The following ALG14 variants were observed in gnomAD, a reference collection of about 807,000 sequenced individuals.
The protein encoded by ALG14 is UDP-N-acetylglucosamine transferase subunit ALG14.
A neutral mutation model predicts 22.8 loss-of-function variants in ALG14; 17 were observed. The observed-to-expected ratio is 0.75, with a 90% CI of 0.51 to 1.12. The LOEUF (loss-of-function observed/expected upper bound fraction) is 1.12. Among genes scored for constraint, ALG14 ranks in the 50% most tolerant of loss-of-function variants. The pLI is 0.00. For synonymous variants in ALG14, 89 were observed against 103.7 expected, an observed-to-expected ratio of 0.86 and a Z score of 0.86; for missense variants, 288 against 271.8, an observed-to-expected ratio of 1.06 and a Z score of -0.42.
chr1:95,032,497 C>A (rs1033703354), intron 2 of ALG14, among the ~76,000 whole-genome samples: 3 of 152,134 alleles, frequency 2.0e-5, no homozygotes, highest in African/African-American at 4.8e-5. Context: ...GAATCAAAGA[C>A]AAATGTCCCC....
At chr1:95,052,811 C>T (rs181225676) in intron 2 of ALG14, among the ~76,000 whole-genome samples, 10 of 148,738 alleles carry the variant, frequency 6.7e-5, no homozygotes, top group Admixed American at 4.0e-4. Flanking sequence ...GAGACAAGAT[C>T]GCACCACTGC....
intron 3 of ALG14, among the ~76,000 whole-genome samples, chr1:95,021,915 A>T (rs1571615430): frequency 6.6e-6 from 1 of 152,180 alleles, no homozygotes; most frequent in African/African-American, 2.4e-5. Context: ...CCTCACAGCT[A>T]TCCTTGGGAA....
intron 2 of ALG14, among the ~76,000 whole-genome samples, chr1:95,051,485 T>G (rs543788815): frequency 1.6e-4 from 25 of 152,188 alleles, no homozygotes; most frequent in Non-Finnish European, 3.4e-4. Context: ...CCCTTCAGTT[T>G]AGTCAGCGAC....
chr1:95,062,079 T>C (rs927721227), intron 2 of ALG14: 17 of 152,302 alleles, frequency 1.1e-4, no homozygotes, highest in African/African-American at 7.2e-5. Flanking sequence ...CAAGTATGAT[T>C]TGGAGAAGAA....
chr1:94,998,259 C>T (rs1672958594), intron 3 of ALG14, among the ~76,000 whole-genome samples: 2 of 152,162 alleles, frequency 1.3e-5, no homozygotes, highest in South Asian at 2.1e-4. Context: ...GCCATGTAGC[C>T]TTCTATGCCA....
At position 94,975,437 on chromosome 1, in the gene ALG14, A is replaced by G. The variant is rs1181032966; in HGVS notation, c.*7639T>C. On this transcript the variant is annotated 3_prime_UTR_variant, in exon 4 of 4. Coordinates refer to ENST00000370205, the MANE Select transcript of ALG14 (RefSeq NM_144988.4). The stretch of plus-strand genomic sequence containing the variant: ...TGTTTCTACTTTCGGGTTATTATGA[A>G]TAACGCTGCTGCGAACATATAAGTT... 1.3e-5 allele frequency: 2 copies of G among 152,214 alleles called. No individual in the cohort carries two copies. Among genetic ancestry groups the G allele is most frequent in the African/African-American group, 4.8e-5 (2 of 41,440 alleles). The allele number at this position is 152,214 out of a possible 1,614,324, so 9.4% of individuals were successfully genotyped here. A position where few individuals can be genotyped will look rare whatever the true frequency, so the allele number is the denominator to read the frequency against.
intron 2 of ALG14, among the ~76,000 whole-genome samples, chr1:95,060,941 A>G (rs1358850390): frequency 6.6e-6 from 1 of 152,212 alleles, no homozygotes; most frequent in African/African-American, 2.4e-5. Flanking sequence ...CTTCTGAATT[A>G]GAGTGGGCCC....
chr1:95,029,593 A>G (rs1022874916), intron 2 of ALG14, among the ~76,000 whole-genome samples: 4 of 152,224 alleles, frequency 2.6e-5, no homozygotes, highest in African/African-American at 7.2e-5. Context: ...TTGAGAAACA[A>G]TATGTTCCTT....
At chr1:95,022,437 C>T (rs1425451023) in intron 3 of ALG14, 13 of 836,616 alleles carry the variant, frequency 1.6e-5, no homozygotes, top group South Asian at 1.1e-4. Context: ...AACCACTTCT[C>T]GCAGTGGACT....
At chr1:95,046,420 C>A (rs1674558209) in intron 2 of ALG14, among the ~76,000 whole-genome samples, 1 of 152,186 alleles carries the variant, frequency 6.6e-6, no homozygotes, top group Non-Finnish European at 1.5e-5. Flanking sequence ...CTAGGCTGTG[C>A]ACTCCTTAAG....
chr1:95,070,388 G>C (rs1032611246), intron 1 of ALG14, among the ~76,000 whole-genome samples: 39 of 152,274 alleles, frequency 2.6e-4, no homozygotes, highest in Non-Finnish European at 2.6e-4. Flanking sequence ...TGCCTCATCA[G>C]TGATTTTCAG....
chr1:95,041,672 A>C (rs1442044063), intron 2 of ALG14: 2 of 152,096 alleles, frequency 1.3e-5, no homozygotes, highest in African/African-American at 2.4e-5. Flanking sequence ...AGAACTGCTT[A>C]GGAACTGTGG....
intron 2 of ALG14, among the ~76,000 whole-genome samples, chr1:95,043,890 G>A (rs1674462128): frequency 6.6e-6 from 1 of 152,036 alleles, no homozygotes; most frequent in South Asian, 2.1e-4. Flanking sequence ...GGGAAGGAGG[G>A]AGAGAGAGTG....
chr1:95,016,711 C>T (rs974970953), intron 3 of ALG14, among the ~76,000 whole-genome samples: 2 of 152,040 alleles, frequency 1.3e-5, no homozygotes, highest in Non-Finnish European at 2.9e-5. Flanking sequence ...ATTTAGTCCC[C>T]AAGAACATCT....
Position 94,981,678 on chromosome 1 carries a change from G to GTTTTTTTTTTT in ALG14, c.*1397_*1398insAAAAAAAAAAA, listed in dbSNP as rs1174199181. 1.5e-5 allele frequency: 2 copies of GTTTTTTTTTTT among 133,576 alleles called. No homozygotes were observed. Among genetic ancestry groups the GTTTTTTTTTTT allele is most frequent in the African/African-American group, 2.6e-5 (1 of 37,844 alleles). 8.3% of individuals were successfully genotyped at this position (133,576 alleles called of 1,614,324 possible). On this transcript the variant is annotated 3_prime_UTR_variant, in exon 4 of 4. Coordinates refer to ENST00000370205, the MANE Select transcript of ALG14 (RefSeq NM_144988.4). ...TCTTCTCTTTTCTGTTTTTTATTTTGTTTTGTTTTTTTTTTTTTTGGCTGC... is the reference window on the plus strand; with the variant it reads ...TCTTCTCTTTTCTGTTTTTTATTTTGTTTTTTTTTTTTTTTGTTTTTTTTTTTTTTGGCTGC...
intron 3 of ALG14, among the ~76,000 whole-genome samples, chr1:95,022,018 G>T (rs1425805564): frequency 6.6e-6 from 1 of 152,198 alleles, no homozygotes; most frequent in African/African-American, 2.4e-5. Context: ...CAACTCAAGA[G>T]TGATGCAGGC....
intron 1 of ALG14, among the ~76,000 whole-genome samples, chr1:95,068,488 C>T (rs1165029645): frequency 1.3e-5 from 2 of 152,026 alleles, no homozygotes; most frequent in Non-Finnish European, 2.9e-5. Flanking sequence ...TGGGGTTTTG[C>T]CATGTTGGCC....
chr1:95,054,095 G>T (rs1674847779), intron 2 of ALG14, among the ~76,000 whole-genome samples: 1 of 152,148 alleles, frequency 6.6e-6, no homozygotes, highest in Non-Finnish European at 1.5e-5. Flanking sequence ...GCAAAATTAG[G>T]ACTGGAAGAG....
Position 94,976,430 on chromosome 1 carries a change from C to CG in ALG14, c.*6645dup, listed in dbSNP as rs1386787604. The CG allele has an allele frequency of 6.6e-6, 1 of 152,162 alleles. No individual in the cohort carries two copies. The highest frequency in any genetic ancestry group is 2.4e-5 in the African/African-American group (1 of 41,440). The allele number at this position is 152,162 out of a possible 1,614,324, so 9.4% of individuals were successfully genotyped here. A position where few individuals can be genotyped will look rare whatever the true frequency, so the allele number is the denominator to read the frequency against. ...CCCCCAGAACGGGCATGGTGGCTGA[C>CG]GCCTGTAATTCCAGCACTTTGGGAA... is the stretch of plus-strand genomic sequence containing the variant. On this transcript the variant is annotated 3_prime_UTR_variant, in exon 4 of 4. Transcript: ENST00000370205.
Sources: allele counts gnomAD v4.1 joint callset (sites outside exome capture counted in the v4.1 genomes callset), GRCh38; gene constraint gnomAD v4.1.1; transcripts MANE v1.5; gene names NCBI Gene and HGNC (gene_info 2026-07-23, HGNC 2026-07-21).